The following KCNQ5 variants were observed in gnomAD, a reference collection of about 807,000 sequenced individuals.
The protein encoded by KCNQ5 is potassium voltage-gated channel subfamily Q member 5.
KCNQ5 carries 30 observed loss-of-function variants against 98.2 expected under a neutral mutation model. That is an observed-to-expected ratio of 0.31 (90% CI 0.23 to 0.41). KCNQ5 has a LOEUF of 0.41. KCNQ5 is among the 10% of genes least tolerant of loss of function. KCNQ5 has a pLI of 1.00. For missense variants in KCNQ5, 835 were observed against 1,182.5 expected, an observed-to-expected ratio of 0.71 and a Z score of 4.31; for synonymous variants, 458 against 449.4, an observed-to-expected ratio of 1.02 and a Z score of -0.24.
intron 2 of KCNQ5, among the ~76,000 whole-genome samples, chr6:73,014,458 T>TGGAG (rs1407239715): frequency 1.3e-5 from 2 of 152,110 alleles, no homozygotes; most frequent in Admixed American, 6.6e-5. Context: ...CCTGCTGTGT[T>TGGAG]AGAAAGACTC....
At chr6:73,058,339 G>C (rs866963548) in intron 3 of KCNQ5, among the ~76,000 whole-genome samples, 1 of 152,144 alleles carries the variant, frequency 6.6e-6, no homozygotes, top group African/African-American at 2.4e-5. Flanking sequence ...GTGAACCCCG[G>C]GGGGCGGAGG....
At position 73,194,557 on chromosome 6, in the gene KCNQ5, C is replaced by A. The variant is rs1458098774; in HGVS notation, c.1942C>A (p.Pro648Thr). 6.2e-7 allele frequency: 1 copy of A among 1,614,232 alleles called. No homozygotes were observed. The highest frequency in any genetic ancestry group is 1.7e-5 in the Admixed American group (1 of 60,024). The part of the protein sequence containing the change: ...ALALASFQIP[P>T]FECEQTSDYQ... ...CGCTTTGGCTTCATTCCAGATCCCA[C>A]CTTTTGAATGTGAACAGACATCTGA... Residue 648 changes from proline (P) to threonine (T), a missense_variant, in exon 14 of 14, where the codon CCT becomes ACT. Pro to Thr is a conservative substitution (Grantham distance 38). Transcript: ENST00000370398.
At chr6:72,744,624 G>C (rs374492816) in intron 1 of KCNQ5, among the ~76,000 whole-genome samples, 76 of 151,868 alleles carry the variant, frequency 5.0e-4, no homozygotes, top group African/African-American at 1.7e-3. Context: ...CAGCCTGGCC[G>C]ACATGGTGAA....
intron 1 of KCNQ5, among the ~76,000 whole-genome samples, chr6:72,745,122 T>C (rs950548622): frequency 1.3e-5 from 2 of 152,228 alleles, no homozygotes; most frequent in African/African-American, 4.8e-5. Context: ...ATGACTCAGC[T>C]CTTCTGTGTC....
chr6:72,706,492 T>C (rs1769091693), intron 1 of KCNQ5, among the ~76,000 whole-genome samples: 1 of 152,070 alleles, frequency 6.6e-6, no homozygotes, highest in Admixed American at 6.6e-5. Context: ...CATATGTGAA[T>C]GTATATATTT....
chr6:72,754,725 C>G (rs1771870690), intron 1 of KCNQ5, among the ~76,000 whole-genome samples: 1 of 151,906 alleles, frequency 6.6e-6, no homozygotes, highest in African/African-American at 2.4e-5. Flanking sequence ...CAGAATATGA[C>G]TATCTCGGTG....
At chr6:73,187,061 C>CTT (rs56920924) in intron 11 of KCNQ5, among the ~76,000 whole-genome samples, 3,549 of 137,176 alleles carry the variant, frequency 0.026, 69 homozygotes, top group South Asian at 0.075. Context: ...CACCAAAATT[C>CTT]TTTTTTTTTT....
intron 1 of KCNQ5, among the ~76,000 whole-genome samples, chr6:72,951,347 G>A (rs1766794176): frequency 6.6e-6 from 1 of 152,078 alleles, no homozygotes; most frequent in Non-Finnish European, 1.5e-5. Context: ...TGCGATCTCA[G>A]CTCACTGCAA....
chr6:72,727,152 C>T (rs1383991536), intron 1 of KCNQ5, among the ~76,000 whole-genome samples: 1 of 152,188 alleles, frequency 6.6e-6, no homozygotes, highest in Non-Finnish European at 1.5e-5. Flanking sequence ...GAGCCATATA[C>T]CCCACATAGC....
intron 1 of KCNQ5, among the ~76,000 whole-genome samples, chr6:72,696,048 A>G (rs576808469): frequency 4.6e-5 from 7 of 152,360 alleles, no homozygotes; most frequent in African/African-American, 1.7e-4. Flanking sequence ...AGAAGGTACA[A>G]ATATCTAGTA....
At chr6:72,988,691 CAT>C (rs1013953674) in intron 1 of KCNQ5, among the ~76,000 whole-genome samples, 1 of 121,652 alleles carries the variant, frequency 8.2e-6, no homozygotes, top group African/African-American at 3.1e-5. Context: ...TTTTAGGGTA[CAT>C]GTGCACATTG....
chr6:72,768,421 CA>C (rs1160341112), intron 1 of KCNQ5, among the ~76,000 whole-genome samples: 1 of 151,858 alleles, frequency 6.6e-6, no homozygotes, highest in Non-Finnish European at 1.5e-5. Flanking sequence ...TGAAGACAAA[CA>C]GAATATGGGA....
At chr6:73,119,841 C>T (rs1775671187) in intron 7 of KCNQ5, among the ~76,000 whole-genome samples, 1 of 152,168 alleles carries the variant, frequency 6.6e-6, no homozygotes, top group African/African-American at 2.4e-5. Context: ...ACCAGTCAAT[C>T]ATTACTTTTT....
In KCNQ5 at chr6:73,079,665, G is replaced by A. The variant is rs75486429; in HGVS notation, c.918+1778G>A. ...TATGCCATTGGTTTCAAAGGATTCC[G>A]TTGGTTTAATAATGTGGTTTCCGGC... On this transcript the variant is annotated intron_variant, in intron 5 of 13. Coordinates refer to ENST00000370398, the MANE Select transcript of KCNQ5 (RefSeq NM_019842.4). 3.3e-4 allele frequency among the ~76,000 whole-genome samples: 50 copies of A among 152,330 alleles called. No individual in the cohort carries two copies. The East Asian group carries it at 7.9e-3, about 24-fold the overall frequency.
At chr6:73,013,332 A>G (rs901815999) in intron 2 of KCNQ5, among the ~76,000 whole-genome samples, 5 of 152,122 alleles carry the variant, frequency 3.3e-5, no homozygotes, top group Non-Finnish European at 7.4e-5. Flanking sequence ...CGATGTCTGC[A>G]TCTACTGAGT....
At chr6:72,956,455 A>G (rs1201274098) in intron 1 of KCNQ5, among the ~76,000 whole-genome samples, 1 of 134,238 alleles carries the variant, frequency 7.4e-6, no homozygotes, top group East Asian at 2.2e-4. Flanking sequence ...GAAGATTTAA[A>G]TTGGTTTTGT....
chr6:73,176,195 G>C (rs988538975), intron 11 of KCNQ5, among the ~76,000 whole-genome samples: 1 of 152,234 alleles, frequency 6.6e-6, no homozygotes, highest in East Asian at 1.9e-4. Flanking sequence ...AATCCCCAAT[G>C]TCAGAGGAGG....
At chr6:72,717,180 AC>A (rs1467319159) in intron 1 of KCNQ5, among the ~76,000 whole-genome samples, 2 of 152,228 alleles carry the variant, frequency 1.3e-5, no homozygotes, top group Non-Finnish European at 2.9e-5. Context: ...GCAAATCTAG[AC>A]AATTTGAATG....
intron 1 of KCNQ5, among the ~76,000 whole-genome samples, chr6:72,783,259 G>T (rs1427337577): frequency 6.6e-6 from 1 of 152,044 alleles, no homozygotes; most frequent in Non-Finnish European, 1.5e-5. Flanking sequence ...TAAGTAAATT[G>T]GACTCTCAGT....
Sources: gnomAD v4.1 joint callset for allele counts (sites outside exome capture counted in the v4.1 genomes callset) on GRCh38, gnomAD v4.1.1 for gene constraint, MANE v1.5 for transcripts, NCBI Gene and HGNC (gene_info 2026-07-23, HGNC 2026-07-21) for gene names.